APOOL: variants seen among roughly 807,000 people sequenced by gnomAD.
The protein encoded by APOOL is MICOS complex subunit MIC27.
APOOL carries 12 observed loss-of-function variants against 23.1 expected under a neutral mutation model. The observed-to-expected ratio is 0.52, with a 90% CI of 0.33 to 0.84. APOOL has a LOEUF of 0.84. Ranked by LOEUF, APOOL falls within the 40% of genes least tolerant of loss-of-function variation. APOOL has a pLI of 0.02. For missense variants in APOOL, 212 were observed against 199.6 expected, an observed-to-expected ratio of 1.06 and a Z score of -0.37; for synonymous variants, 77 against 69.9, an observed-to-expected ratio of 1.10 and a Z score of -0.51.
chrX:85,008,726 A>G (rs181542327), intron 1 of APOOL, among the ~76,000 whole-genome samples: 6 of 111,393 alleles, frequency 5.4e-5, no homozygotes, highest in African/African-American at 2.0e-4. Flanking sequence ...CTTTGGTTGT[A>G]CACCTACTTT....
At chrX:85,046,751 A>G (rs1431956237) in intron 2 of APOOL, among the ~76,000 whole-genome samples, 1 of 112,030 alleles carries the variant, frequency 8.9e-6, no homozygotes, top group East Asian at 2.8e-4. Flanking sequence ...TCCAGTGAAA[A>G]ACAACTAGTG....
chrX:85,022,929 T>A (rs892585122), intron 1 of APOOL, among the ~76,000 whole-genome samples: 2 of 111,783 alleles, frequency 1.8e-5, no homozygotes, highest in African/African-American at 6.5e-5. Flanking sequence ...AATGGTTTGG[T>A]GCAGTCCTTA....
rs964790666 is a variant in APOOL at position 85,092,341 on chromosome X, A to G, written c.*4663A>G. The G allele has an allele frequency of 8.9e-7, 1 of 1,125,198 alleles. No homozygotes were observed. The highest frequency in any genetic ancestry group is 1.8e-5 in the African/African-American group (1 of 54,990). The allele number at this position is 1,125,198 out of a possible 1,213,427, so 92.7% of individuals were successfully genotyped here. A position where few individuals can be genotyped will look rare whatever the true frequency, so the allele number is the denominator to read the frequency against. Reference sequence around the variant, plus strand: ...GTCAAACTGCTGTTAGACTCAGGTGACAGTCAAATGTTGGAGGCTGTGTTG... The same window carrying G: ...GTCAAACTGCTGTTAGACTCAGGTGGCAGTCAAATGTTGGAGGCTGTGTTG... On this transcript the variant is annotated 3_prime_UTR_variant, in exon 9 of 9. Transcript: ENST00000373173.
At chrX:85,039,910 C>A (rs900546763) in intron 1 of APOOL, among the ~76,000 whole-genome samples, 4 of 111,794 alleles carry the variant, frequency 3.6e-5, no homozygotes, top group Non-Finnish European at 7.5e-5. Flanking sequence ...TCAAGTTTAA[C>A]ATTGATATGT....
At chrX:85,026,274 G>A (rs1354371907) in intron 1 of APOOL, among the ~76,000 whole-genome samples, 1 of 113,105 alleles carries the variant, frequency 8.8e-6, no homozygotes, top group African/African-American at 3.2e-5. Flanking sequence ...GTGTTCTGAG[G>A]CTGTGCAGGG....
At chrX:85,014,312 A>G (rs1454714697) in intron 1 of APOOL, among the ~76,000 whole-genome samples, 1 of 111,369 alleles carries the variant, frequency 9.0e-6, no homozygotes, top group East Asian at 2.8e-4. Flanking sequence ...GCCATTTACT[A>G]TCAGCGTTAG....
intron 8 of APOOL, among the ~76,000 whole-genome samples, chrX:85,087,389 A>G (rs777466443): frequency 9.1e-6 from 1 of 110,269 alleles, no homozygotes; most frequent in East Asian, 2.9e-4. Flanking sequence ...CACTCCATAT[A>G]TCCTTCCTTG....
chrX:85,033,223 T>C (rs1226976954), intron 1 of APOOL, among the ~76,000 whole-genome samples: 1 of 112,313 alleles, frequency 8.9e-6, no homozygotes, highest in Non-Finnish European at 1.9e-5. Context: ...TGTTCTTTAC[T>C]TGTATCCAAA....
At chrX:85,086,224 G>C (rs1388376317) in intron 8 of APOOL, among the ~76,000 whole-genome samples, 1 of 111,124 alleles carries the variant, frequency 9.0e-6, no homozygotes, top group Non-Finnish European at 1.9e-5. Context: ...CACTTGGCCT[G>C]TGGGATATCT....
chrX:85,038,711 A>T (rs1196675959), intron 1 of APOOL, among the ~76,000 whole-genome samples: 1 of 108,370 alleles, frequency 9.2e-6, no homozygotes, highest in Non-Finnish European at 1.9e-5. Flanking sequence ...GGATTTCATA[A>T]TAGTTTCTGG....
chrX:85,074,095 CT>C lies in APOOL; in HGVS notation c.585del (p.Glu197LysfsTer5). On this transcript the variant is annotated frameshift_variant, in exon 7 of 9. Coordinates refer to ENST00000373173, the MANE Select transcript of APOOL (RefSeq NM_198450.6). LOFTEE classifies it high-confidence loss of function. ...AGCAAAGAAGAGTCACTCCCTAAAC[CT>C]AAAGAAAAAACTAAGGTAGAGTTTA... Reference protein sequence around the residue: ...KSSKEESLPKPKEKTKLGSSS... With the variant: ...KSSKEESLPKXKEKTKLGSSS... 8.6e-7 allele frequency: 1 copy of C among 1,164,153 alleles called. No individual in the cohort carries two copies. The highest frequency in any genetic ancestry group is 1.1e-6 in the Non-Finnish European group (1 of 871,626).
intron 1 of APOOL, among the ~76,000 whole-genome samples, chrX:85,006,851 T>TA (rs1162298601): frequency 9.0e-6 from 1 of 111,706 alleles, no homozygotes; most frequent in Non-Finnish European, 1.9e-5. Context: ...AGTAAAGTGG[T>TA]AGAGCTGGAT....
intron 5 of APOOL, among the ~76,000 whole-genome samples, chrX:85,060,557 A>G (rs938019845): frequency 9.1e-6 from 1 of 110,172 alleles, no homozygotes; most frequent in African/African-American, 3.3e-5. Context: ...TATTTCATTG[A>G]GCAGTGGTTT....
rs1006342151 is a variant in APOOL, at chrX:85,039,879, G to T, written c.16-6567G>T. Among the ~76,000 whole-genome samples, 13 of 111,685 alleles carry T rather than the reference G, an allele frequency of 1.2e-4. No homozygotes were observed. The Admixed American group carries it at 1.2e-3, about 11-fold the overall frequency. On this transcript the variant is annotated intron_variant, in intron 1 of 8. Transcript: ENST00000373173. ...CTTGCCACTGCATGCCTTTCAAATG[G>T]GGCATTTAGCCTGTTTACATTCAAG... is the stretch of plus-strand genomic sequence containing the variant.
At chrX:85,075,022 C>G (rs1442315760) in intron 8 of APOOL, among the ~76,000 whole-genome samples, 1 of 109,933 alleles carries the variant, frequency 9.1e-6, no homozygotes, top group Non-Finnish European at 1.9e-5. Context: ...TGTTTAATAC[C>G]ATTTTGACAA....
At chrX:85,006,952 A>C (rs187529944) in intron 1 of APOOL, among the ~76,000 whole-genome samples, 3 of 111,637 alleles carry the variant, frequency 2.7e-5, no homozygotes, top group African/African-American at 9.8e-5. Context: ...GGAGGGATTA[A>C]CCTTGCAAAG....
intron 1 of APOOL, among the ~76,000 whole-genome samples, chrX:85,011,075 T>G (rs1197245184): frequency 8.9e-6 from 1 of 112,138 alleles, no homozygotes; most frequent in Non-Finnish European, 1.9e-5. Flanking sequence ...GTGGTTTTAA[T>G]TTCCATTTCC....
chrX:85,073,457 T>G (rs776891308), intron 6 of APOOL, among the ~76,000 whole-genome samples: 10 of 111,551 alleles, frequency 9.0e-5, no homozygotes, highest in African/African-American at 3.2e-4. Context: ...TCATTGTTTA[T>G]TTTACCTTTC....
intron 8 of APOOL, among the ~76,000 whole-genome samples, chrX:85,079,937 T>C (rs1240658633): frequency 1.8e-5 from 2 of 111,740 alleles, no homozygotes; most frequent in African/African-American, 6.5e-5. Flanking sequence ...GGTGGTGATA[T>C]CCCCTTTATC....
Sources: gnomAD v4.1 joint callset for allele counts (sites outside exome capture counted in the v4.1 genomes callset) on GRCh38, gnomAD v4.1.1 for gene constraint, MANE v1.5 for transcripts, NCBI Gene and HGNC (gene_info 2026-07-23, HGNC 2026-07-21) for gene names.